Variants in HECW1 observed in about 807,000 individuals in gnomAD.
HECW1 encodes the protein E3 ubiquitin-protein ligase HECW1.
Under a neutral mutation model 182.3 loss-of-function variants are expected in HECW1, and 61 were observed. The ratio of observed to expected loss-of-function variants is 0.33; its 90% CI spans 0.27 to 0.41. The LOEUF is 0.41. Among genes scored for constraint, HECW1 ranks in the 10% least tolerant of loss-of-function variants. The probability of loss-of-function intolerance (pLI) is 1.00; values close to 1 mark genes in which losing one functional copy is unlikely to be tolerated. For synonymous variants in HECW1, 859 were observed against 832.6 expected (o/e 1.03, Z -0.55); for missense variants, 1,739 against 2,108.9 (o/e 0.82, Z 3.44).
intron 3 of HECW1, among the ~76,000 whole-genome samples, chr7:43,287,926 C>T (rs969390809): frequency 5.3e-5 from 8 of 152,142 alleles, no homozygotes; most frequent in Non-Finnish European, 1.2e-4. Flanking sequence ...ATAGAGTTAC[C>T]ATCTACGGAG....
rs367630673 is a variant in HECW1 at position 43,236,990 on chromosome 7, C to CA, written c.-31-6876dup. On this transcript the variant is annotated intron_variant, in intron 2 of 29. Transcript: ENST00000395891. ...TTCCTTTCACAATAGTAAATGAAAC[C>CA]AAAAAAAAACTAACTATACCCAATG... Among the ~76,000 whole-genome samples, 1,273 of 133,722 alleles carry CA rather than the reference C, an allele frequency of 9.5e-3. 27 individuals are homozygous for CA. The highest frequency in any genetic ancestry group is 0.095 in the East Asian group (427 of 4,514). The allele number at this position is 133,722 out of a possible 152,430, so 87.7% of individuals were successfully genotyped here.
intron 6 of HECW1, among the ~76,000 whole-genome samples, chr7:43,378,987 TG>T (rs1199029541): frequency 2.6e-5 from 4 of 151,928 alleles, no homozygotes; most frequent in Admixed American, 2.0e-4. Context: ...TTATTGCTTA[TG>T]GGGGGGCGGT....
chr7:43,269,498 GAC>G (rs1554335214), intron 3 of HECW1, among the ~76,000 whole-genome samples: 1 of 152,170 alleles, frequency 6.6e-6, no homozygotes, highest in Non-Finnish European at 1.5e-5. Flanking sequence ...GAACCAGAAA[GAC>G]ACATGTGAAA....
At chr7:43,550,205 T>C (rs191619667) in intron 26 of HECW1, among the ~76,000 whole-genome samples, 2 of 152,222 alleles carry the variant, frequency 1.3e-5, no homozygotes, top group Admixed American at 1.3e-4. Context: ...GGAGGGTCAT[T>C]TGCCCCCAGG....
At position 43,444,244 on chromosome 7, in the gene HECW1, G is replaced by C. The variant is rs560048116; in HGVS notation, c.1072G>C (p.Glu358Gln). Residue 358 changes from glutamate to glutamine, a missense_variant, in exon 11 of 30, where the codon GAG becomes CAG. Physicochemically the swap from Glu to Gln is conservative, Grantham distance 29. This residue lies in a region of HECW1 where 66 missense variants were observed against 113.8 expected (regional missense o/e 0.58). Transcript: ENST00000395891. This position sits in a 1 kb window ranked among gnomAD's most constrained non-coding sequence, Gnocchi z 4.3. ...PDDEEISLSTEPESAQIQDSP... is the reference protein window; with the variant it reads ...PDDEEISLSTQPESAQIQDSP... Reference sequence around the variant, plus strand: ...TGATGAGGAGATTTCCCTGAGTACCGAGCCTGAGTCAGCCCAAATTCAGGA... The same window carrying C: ...TGATGAGGAGATTTCCCTGAGTACCCAGCCTGAGTCAGCCCAAATTCAGGA... The C allele has an allele frequency of 4.4e-6, 7 of 1,609,158 alleles. No homozygotes were observed. The highest frequency in any genetic ancestry group is 3.3e-4 in the Middle Eastern group (2 of 6,054).
At chr7:43,194,825 C>G (rs886772643) in intron 2 of HECW1, among the ~76,000 whole-genome samples, 3 of 152,118 alleles carry the variant, frequency 2.0e-5, no homozygotes, top group African/African-American at 7.2e-5. Context: ...TCCCAAGTAG[C>G]TGGGATTACA....
At chr7:43,137,728 T>G (rs1787716203) in intron 2 of HECW1, among the ~76,000 whole-genome samples, 1 of 151,904 alleles carries the variant, frequency 6.6e-6, no homozygotes. Context: ...TTTTGTATTT[T>G]TAGTAGAGAT....
At chr7:43,129,286 C>T (rs1786639246) in intron 2 of HECW1, among the ~76,000 whole-genome samples, 1 of 152,162 alleles carries the variant, frequency 6.6e-6, no homozygotes, top group Non-Finnish European at 1.5e-5. Flanking sequence ...CACGGTCACC[C>T]AACCTTCAGT....
intron 8 of HECW1, among the ~76,000 whole-genome samples, chr7:43,427,040 G>A (rs1176055634): frequency 1.3e-5 from 2 of 151,796 alleles, no homozygotes; most frequent in Non-Finnish European, 2.9e-5. Flanking sequence ...TTGAAAAAAA[G>A]GCCCTGAAAG....
At chr7:43,520,666 A>G (rs1451726751) in intron 24 of HECW1, among the ~76,000 whole-genome samples, 2 of 151,998 alleles carry the variant, frequency 1.3e-5, no homozygotes, top group East Asian at 1.9e-4. Flanking sequence ...TTTAAAAAAA[A>G]CACAAAGGTT....
chr7:43,318,664 G>A (rs1809649626), intron 4 of HECW1, among the ~76,000 whole-genome samples: 1 of 152,230 alleles, frequency 6.6e-6, no homozygotes, highest in Non-Finnish European at 1.5e-5. Flanking sequence ...CAAGAGCTGG[G>A]CCCTTTGGCT....
chr7:43,264,583 C>A (rs557053722), intron 3 of HECW1, among the ~76,000 whole-genome samples: 2 of 152,082 alleles, frequency 1.3e-5, no homozygotes, highest in Non-Finnish European at 2.9e-5. Context: ...CGGTGGCTCA[C>A]GCCTGTAATC....
chr7:43,251,077 C>T (rs1799977766), intron 3 of HECW1, among the ~76,000 whole-genome samples: 1 of 152,170 alleles, frequency 6.6e-6, no homozygotes, highest in Non-Finnish European at 1.5e-5. Context: ...ACTGGATGGG[C>T]CCTGTGGATG....
chr7:43,305,585 TTTGTTG>T lies in HECW1; in HGVS notation c.28-6154_28-6149del, dbSNP rs144135825. On this transcript the variant is annotated intron_variant, in intron 3 of 29. Transcript: ENST00000395891. ...TGAGAATAGTGAAACTGGATAGTGT[TTTGTTG>T]TTGTTGTTGTTGTTGTTGTTGTTTG... 8.6e-5 allele frequency among the ~76,000 whole-genome samples: 13 copies of T among 150,762 alleles called. No individual in the cohort carries two copies. In the South Asian group the frequency reaches 1.1e-3, roughly 12 times the overall value.
chr7:43,130,898 G>A (rs1338783776), intron 2 of HECW1, among the ~76,000 whole-genome samples: 1 of 152,108 alleles, frequency 6.6e-6, no homozygotes, highest in East Asian at 1.9e-4. Flanking sequence ...AATCTACTTA[G>A]TACTTTGTGT....
chr7:43,508,761 G>A (rs2079714644), intron 23 of HECW1: 1 of 581,682 alleles, frequency 1.7e-6, no homozygotes, highest in Admixed American at 3.0e-5. Flanking sequence ...ATGGACATCT[G>A]GTTAAGAAAC....
intron 2 of HECW1, among the ~76,000 whole-genome samples, chr7:43,216,537 T>A (rs1409020704): frequency 1.3e-5 from 2 of 152,196 alleles, no homozygotes; most frequent in Non-Finnish European, 2.9e-5. Context: ...TTCTCTTTCC[T>A]GGATCATGGT....
intron 3 of HECW1, among the ~76,000 whole-genome samples, chr7:43,302,342 G>A (rs1372934977): frequency 6.6e-6 from 1 of 152,232 alleles, no homozygotes; most frequent in Non-Finnish European, 1.5e-5. Context: ...GTCAGGGCAG[G>A]CAGCTGCCCT....
In HECW1 at chr7:43,564,513, C is replaced by A. The variant is rs536120207; in HGVS notation, c.*2587C>A. The A allele has an allele frequency of 5.3e-6, 1 of 190,266 alleles. No homozygotes were observed. Among genetic ancestry groups the A allele is most frequent in the South Asian group, 1.9e-4 (1 of 5,162 alleles). 11.8% of individuals were successfully genotyped at this position (190,266 alleles called of 1,614,324 possible). On this transcript the variant is annotated 3_prime_UTR_variant, in exon 30 of 30. Transcript: ENST00000395891. The stretch of plus-strand genomic sequence containing the variant: ...ACCGTTTCCTTATCCACCAGTACTA[C>A]TGATGTCACAGCTATAGATCTATCC...
Sources: gnomAD v4.1 joint callset for allele counts (sites outside exome capture counted in the v4.1 genomes callset) on GRCh38, gnomAD v4.1.1 for gene constraint, gnomAD v4.1.1 regional missense constraint, Gnocchi (gnomAD v3.1) non-coding constraint, MANE v1.5 for transcripts, NCBI Gene and HGNC (gene_info 2026-07-23, HGNC 2026-07-21) for gene names.